The following TMBIM4 variants were observed in gnomAD, a reference collection of about 807,000 sequenced individuals.
The protein encoded by TMBIM4 is transmembrane BAX inhibitor motif containing 4.
In TMBIM4, 28 loss-of-function variants were observed where a neutral mutation model predicts 27.7. The ratio of observed to expected loss-of-function variants is 1.01; its 90% CI spans 0.75 to 1.38. TMBIM4 has a LOEUF of 1.38. Among genes scored for constraint, TMBIM4 ranks in the 40% most tolerant of loss-of-function variants. The probability of loss-of-function intolerance (pLI) is 0.00; values close to 1 mark genes in which losing one functional copy is unlikely to be tolerated. For missense variants in TMBIM4, 265 were observed against 277.5 expected, an observed-to-expected ratio of 0.95 and a Z score of 0.32; for synonymous variants, 115 against 113.1, an observed-to-expected ratio of 1.02 and a Z score of -0.11.
rs556938633 is a variant in TMBIM4, at chr12:66,137,875, T to G, written c.*85A>C. The stretch of plus-strand genomic sequence containing the variant: ...AACTTTATTACTTAATGAAACAGTT[T>G]CTATATACTGCTTCCAATTACTTTA... On this transcript the variant is annotated 3_prime_UTR_variant, in exon 7 of 7. Transcript: ENST00000358230. The G allele has an allele frequency of 1.0e-5, 11 of 1,068,170 alleles. No individual in the cohort carries two copies. The highest frequency in any genetic ancestry group is 1.5e-5 in the Non-Finnish European group (11 of 723,096). The allele number at this position is 1,068,170 out of a possible 1,614,324, so 66.2% of individuals were successfully genotyped here. A position where few individuals can be genotyped will look rare whatever the true frequency, so the allele number is the denominator to read the frequency against.
chr12:66,145,631 A>G (rs1477694917), intron 5 of TMBIM4, among the ~76,000 whole-genome samples: 1 of 151,858 alleles, frequency 6.6e-6, no homozygotes, highest in Non-Finnish European at 1.5e-5. Context: ...CCCTTTCACT[A>G]TAGGAGAGAA....
chr12:66,143,159 T>A (rs1038547205), intron 5 of TMBIM4, among the ~76,000 whole-genome samples: 2 of 152,190 alleles, frequency 1.3e-5, no homozygotes, highest in African/African-American at 4.8e-5. Context: ...GAAAGTCATG[T>A]CCTACAAATA....
rs779576402 is a variant in TMBIM4, at chr12:66,138,122, T to C, written c.555A>G (p.Ala185=). 6.2e-7 allele frequency: 1 copy of C among 1,613,990 alleles called. No homozygotes were observed. The highest frequency in any genetic ancestry group is 1.1e-5 in the South Asian group (1 of 91,078). Residue 185 remains alanine, a synonymous_variant, in exon 7 of 7, where the codon GCA becomes GCG. Coordinates refer to ENST00000358230, the MANE Select transcript of TMBIM4 (RefSeq NM_016056.4). ...TGAATCCACAGAAAAGAAGGGCTCC[T>C]GCAGCGGCTAAGACCAACTCCATTA... is the stretch of plus-strand genomic sequence containing the variant. ...SEIMELVLAA[A]GALLFCGFII...
At chr12:66,147,852 A>G in intron 4 of TMBIM4, 56 bp downstream of exon 4, 1 of 1,441,754 alleles carries the variant, frequency 6.9e-7, no homozygotes. Flanking sequence ...TTTACCTGAA[A>G]GATCTATCTA....
intron 4 of TMBIM4, among the ~76,000 whole-genome samples, chr12:66,146,773 A>G (rs1245466181): frequency 6.6e-6 from 1 of 152,178 alleles, no homozygotes; most frequent in East Asian, 1.9e-4. Context: ...CTATCATTAA[A>G]TGCTACATGA....
intron 1 of TMBIM4, chr12:66,168,960 A>G (rs899779174): frequency 4.7e-6 from 1 of 213,846 alleles, no homozygotes; most frequent in African/African-American, 2.3e-5. Context: ...AGCTGAGTTC[A>G]CTGGCCAAAA....
At chr12:66,145,025 T>A (rs549666036) in intron 5 of TMBIM4, among the ~76,000 whole-genome samples, 1 of 152,134 alleles carries the variant, frequency 6.6e-6, no homozygotes, top group East Asian at 1.9e-4. Context: ...CACACAAATA[T>A]GTATGAAACA....
chr12:66,140,144 T>C (rs989905854), intron 5 of TMBIM4, among the ~76,000 whole-genome samples: 1 of 152,088 alleles, frequency 6.6e-6, no homozygotes, highest in Non-Finnish European at 1.5e-5. Flanking sequence ...GAAGGAAATA[T>C]GACCCATAAC....
At chr12:66,145,711 A>G in intron 5 of TMBIM4, 130 bp downstream of exon 5, 3 of 552,482 alleles carry the variant, frequency 5.4e-6, no homozygotes, top group Non-Finnish European at 9.8e-6. Flanking sequence ...TAGTACTCAA[A>G]GAGATGATCT....
intron 1 of TMBIM4, chr12:66,160,067 C>T (rs186397756): frequency 2.3e-5 from 14 of 603,952 alleles, no homozygotes; most frequent in African/African-American, 9.2e-5. Flanking sequence ...CACAATCACA[C>T]TCACTTACAT....
chr12:66,165,541 CA>C (rs1476822122), intron 1 of TMBIM4, among the ~76,000 whole-genome samples: 1 of 152,052 alleles, frequency 6.6e-6, no homozygotes, highest in Non-Finnish European at 1.5e-5. Flanking sequence ...CCTTGGCCTC[CA>C]AAAGTGTTAG....
intron 1 of TMBIM4, among the ~76,000 whole-genome samples, chr12:66,160,506 T>C (rs2052016992): frequency 1.3e-5 from 2 of 152,200 alleles, no homozygotes; most frequent in Non-Finnish European, 2.9e-5. Context: ...ATACATACTA[T>C]GAAACTATGA....
intron 1 of TMBIM4, among the ~76,000 whole-genome samples, chr12:66,166,466 AAAAAAAAAAAAAAAAAAAG>A (rs2052131331): frequency 1.8e-5 from 1 of 54,872 alleles, no homozygotes; most frequent in Non-Finnish European, 4.0e-5. Context: ...CTTTGTCTCA[AAAAAAAAAAAAAAAAAAAG>A]AAAAAGAAAA....
At position 66,152,300 on chromosome 12, in the gene TMBIM4, G is replaced by A; in HGVS notation, c.283C>T (p.Pro95Ser). 3 of 1,608,278 alleles carry A rather than the reference G, an allele frequency of 1.9e-6. No individual in the cohort carries two copies. Among genetic ancestry groups the A allele is most frequent in the Admixed American group, 1.7e-5 (1 of 59,730 alleles). Reference protein sequence around the residue: ...FALILNRHKYPLNLYLLFGFT... With the variant: ...FALILNRHKYSLNLYLLFGFT... ...CCAAAAAGTAGGTACAGGTTAAGGG[G>A]ATACTTATGTCTGTTTAAAATCAAC... Residue 95 changes from proline (P) to serine (S), a missense_variant, in exon 3 of 7, where the codon CCC becomes TCC. Physicochemically the swap from Pro to Ser is moderately conservative, Grantham distance 74 (BLOSUM62 -1). Transcript: ENST00000358230.
intron 3 of TMBIM4, among the ~76,000 whole-genome samples, chr12:66,148,792 G>T (rs1411795948): frequency 6.6e-6 from 1 of 152,196 alleles, no homozygotes; most frequent in East Asian, 1.9e-4. Context: ...GTCAGAAGTA[G>T]CTGAACCCAT....
At chr12:66,153,102 A>C (rs1413445639) in intron 2 of TMBIM4, among the ~76,000 whole-genome samples, 1 of 152,064 alleles carries the variant, frequency 6.6e-6, no homozygotes, top group South Asian at 2.1e-4. Flanking sequence ...AAAAATTCTT[A>C]ATTTTTACCA....
intron 5 of TMBIM4, among the ~76,000 whole-genome samples, chr12:66,142,297 G>A (rs781237814): frequency 2.6e-4 from 39 of 151,584 alleles, no homozygotes; most frequent in Non-Finnish European, 5.2e-4. Context: ...AGGACTGAAA[G>A]GGACTTAGGA....
chr12:66,169,981 T>C lies in TMBIM4; in HGVS notation c.-30A>G. ...GCAACAGCACCCCTACCGGTCCCGG[T>C]CCACTAACCGCAACCGCCTCCTCCC... On this transcript the variant is annotated 5_prime_UTR_variant, in exon 1 of 7. Transcript: ENST00000358230. 1 of 1,443,502 alleles carries C rather than the reference T, an allele frequency of 6.9e-7. No homozygotes were observed. The highest frequency in any genetic ancestry group is 9.2e-7 in the Non-Finnish European group (1 of 1,088,472). The allele number at this position is 1,443,502 out of a possible 1,614,324, so 89.4% of individuals were successfully genotyped here.
In TMBIM4 at chr12:66,137,926, T is replaced by C; in HGVS notation, c.*34A>G. 1.9e-6 allele frequency: 3 copies of C among 1,582,934 alleles called. No individual in the cohort carries two copies. Among genetic ancestry groups the C allele is most frequent in the South Asian group, 2.2e-5 (2 of 89,066 alleles). ...ATCCTTTTTTCTCATTAAATTTTTT[T>C]TGTTGTTCTTCAGTTGAGCTGAGAT... On this transcript the variant is annotated 3_prime_UTR_variant, in exon 7 of 7. Coordinates refer to ENST00000358230, the MANE Select transcript of TMBIM4 (RefSeq NM_016056.4).
Sources: gnomAD v4.1 joint callset for allele counts (sites outside exome capture counted in the v4.1 genomes callset) on GRCh38, gnomAD v4.1.1 for gene constraint, MANE v1.5 for transcripts, NCBI Gene and HGNC (gene_info 2026-07-23, HGNC 2026-07-21) for gene names.